The following GRIK4 variants were observed in gnomAD, a reference collection of about 807,000 sequenced individuals.
The protein encoded by GRIK4 is glutamate ionotropic receptor kainate type subunit 4.
A neutral mutation model predicts 104.9 loss-of-function variants in GRIK4; 40 were observed. The ratio of observed to expected loss-of-function variants is 0.38; its 90% CI spans 0.30 to 0.50. The LOEUF (loss-of-function observed/expected upper bound fraction) is 0.50. Ranked by LOEUF, GRIK4 falls within the 20% of genes least tolerant of loss-of-function variation. The pLI, the probability that GRIK4 is intolerant of heterozygous loss-of-function variation, is 0.93. For synonymous variants in GRIK4, 485 were observed against 524.9 expected, an observed-to-expected ratio of 0.92 and a Z score of 1.04; for missense variants, 1,047 against 1,308.1, an observed-to-expected ratio of 0.80 and a Z score of 3.08.
At chr11:120,809,855 C>T (rs1365083120) in intron 4 of GRIK4, among the ~76,000 whole-genome samples, 1 of 152,146 alleles carries the variant, frequency 6.6e-6, no homozygotes, top group Admixed American at 6.5e-5. Flanking sequence ...TGCTTGACGC[C>T]AAGAGTTCAA....
intron 1 of GRIK4, among the ~76,000 whole-genome samples, chr11:120,636,531 G>A (rs189521511): frequency 5.5e-4 from 83 of 152,218 alleles, no homozygotes; most frequent in African/African-American, 1.9e-3. Context: ...GATCAGTTCG[G>A]ATTCTTCCCT....
intron 1 of GRIK4, among the ~76,000 whole-genome samples, chr11:120,523,515 T>A (rs1947820566): frequency 6.6e-6 from 1 of 152,130 alleles, no homozygotes; most frequent in Non-Finnish European, 1.5e-5. Context: ...ATGCTGCTAC[T>A]TCTCTCGCTG....
In GRIK4 at chr11:120,956,394, G is replaced by A. The variant is rs1367840742; in HGVS notation, c.1701-386G>A. On this transcript the variant is annotated intron_variant, in intron 15 of 20. Coordinates refer to ENST00000527524, the MANE Select transcript of GRIK4 (RefSeq NM_014619.5). The surrounding 1 kb of genome is among the most constrained non-coding windows in gnomAD (Gnocchi z 4.6). ...TTTTTTTGTATTTTTTAGTAGAGAC[G>A]GGTTTTCGCTGTGTTGCCCAGGCTG... Among the ~76,000 whole-genome samples, 2 of 151,850 alleles carry A rather than the reference G, an allele frequency of 1.3e-5. No homozygotes were observed. Among genetic ancestry groups the A allele is most frequent in the African/African-American group, 4.8e-5 (2 of 41,314 alleles).
intron 13 of GRIK4, among the ~76,000 whole-genome samples, chr11:120,911,361 C>T (rs1942988903): frequency 6.7e-6 from 1 of 150,114 alleles, no homozygotes; most frequent in Admixed American, 6.6e-5. Flanking sequence ...GCCTCAGCCT[C>T]CCGTGTAGCT....
intron 1 of GRIK4, among the ~76,000 whole-genome samples, chr11:120,520,147 C>T (rs999995180): frequency 2.6e-5 from 4 of 152,130 alleles, no homozygotes; most frequent in African/African-American, 9.7e-5. Context: ...CCCGCCTCAG[C>T]CCCCCAAAGT....
chr11:120,672,093 G>A (rs188147518), intron 3 of GRIK4, among the ~76,000 whole-genome samples: 12 of 152,240 alleles, frequency 7.9e-5, no homozygotes, highest in African/African-American at 2.9e-4. Context: ...GCTTAGGATC[G>A]TCTTGGCTAT....
At chr11:120,537,784 G>A (rs577346158) in intron 1 of GRIK4, among the ~76,000 whole-genome samples, 89 of 152,240 alleles carry the variant, frequency 5.8e-4, no homozygotes, top group African/African-American at 2.1e-3. Flanking sequence ...AATGAATGAG[G>A]GGATCTGTTG....
Position 120,819,097 on chromosome 11 carries a change from A to G in GRIK4, c.346-658A>G, listed in dbSNP as rs934140722. 6.6e-6 allele frequency among the ~76,000 whole-genome samples: 1 copy of G among 152,220 alleles called. No homozygotes were observed. The highest frequency in any genetic ancestry group is 2.4e-5 in the African/African-American group (1 of 41,452). ...GCAGAGGGAAGCTGACACTGTCCTA[A>G]TGAAGCCAAACCACGTATTTATTTA... On this transcript the variant is annotated intron_variant, in intron 5 of 20. Coordinates refer to ENST00000527524, the MANE Select transcript of GRIK4 (RefSeq NM_014619.5). This position sits in a 1 kb window ranked among gnomAD's most constrained non-coding sequence, Gnocchi z 4.3.
chr11:120,956,887 G>C lies in GRIK4; in HGVS notation c.1808G>C (p.Gly603Ala), dbSNP rs1162479747. Residue 603 changes from glycine to alanine, a missense_variant, in exon 16 of 21, where the codon GGG becomes GCG. Around this residue, in one of 3 missense-constraint regions of GRIK4, gnomAD observed 440 missense variants for 652.3 expected, o/e 0.67. Coordinates refer to ENST00000527524, the MANE Select transcript of GRIK4 (RefSeq NM_014619.5). This position sits in a 1 kb window ranked among gnomAD's most constrained non-coding sequence, Gnocchi z 4.6. ...AACAGCCTCTGGTTTCCGGTCGGGGGGTTCATGCAGCAAGGCTCCACCATC... is the reference window on the plus strand; with the variant it reads ...AACAGCCTCTGGTTTCCGGTCGGGGCGTTCATGCAGCAAGGCTCCACCATC... ...LGNSLWFPVG[G>A]FMQQGSTIAP... 1 of 1,613,882 alleles carries C rather than the reference G, an allele frequency of 6.2e-7. No individual in the cohort carries two copies. Among genetic ancestry groups the C allele is most frequent in the East Asian group, 2.2e-5 (1 of 44,882 alleles).
At chr11:120,875,542 AC>A (rs1954760279) in intron 11 of GRIK4, among the ~76,000 whole-genome samples, 1 of 152,046 alleles carries the variant, frequency 6.6e-6, no homozygotes, top group Non-Finnish European at 1.5e-5. Context: ...CATGAGTCTG[AC>A]CCTAATCCTG....
At chr11:120,576,966 T>C (rs1044976595) in intron 1 of GRIK4, among the ~76,000 whole-genome samples, 4 of 152,224 alleles carry the variant, frequency 2.6e-5, no homozygotes, top group Non-Finnish European at 5.9e-5. Flanking sequence ...GCTTGCGCTT[T>C]CCTTCACTTT....
chr11:120,605,496 A>G (rs1239670305), intron 1 of GRIK4, among the ~76,000 whole-genome samples: 1 of 152,252 alleles, frequency 6.6e-6, no homozygotes, highest in Non-Finnish European at 1.5e-5. Context: ...TGTGACAGCC[A>G]TCAGCAAGTT....
intron 1 of GRIK4, among the ~76,000 whole-genome samples, chr11:120,574,630 G>A (rs1439693909): frequency 3.3e-5 from 5 of 152,184 alleles, no homozygotes; most frequent in African/African-American, 1.2e-4. Context: ...AAGGGCAGGG[G>A]CTACATCTGT....
intron 3 of GRIK4, among the ~76,000 whole-genome samples, chr11:120,741,082 C>T (rs1951321275): frequency 6.6e-6 from 1 of 152,062 alleles, no homozygotes; most frequent in Non-Finnish European, 1.5e-5. Context: ...CTGTCTCTCT[C>T]GTTCGTGTAA....
intron 1 of GRIK4, among the ~76,000 whole-genome samples, chr11:120,540,339 G>A (rs1023773239): frequency 6.6e-6 from 1 of 152,184 alleles, no homozygotes; most frequent in African/African-American, 2.4e-5. Context: ...CTTGGGGCTC[G>A]GCTGGGCGTG....
At chr11:120,512,251 A>G (rs1490859813) in intron 1 of GRIK4, among the ~76,000 whole-genome samples, 1 of 145,314 alleles carries the variant, frequency 6.9e-6, no homozygotes, top group Admixed American at 6.8e-5. Context: ...CTCCCCGTGC[A>G]ACTCCCAGCC....
At chr11:120,719,793 G>A (rs1347209513) in intron 3 of GRIK4, among the ~76,000 whole-genome samples, 2 of 152,114 alleles carry the variant, frequency 1.3e-5, no homozygotes, top group Non-Finnish European at 2.9e-5. Context: ...ACAATGACTA[G>A]CCTTATTCCA....
intron 3 of GRIK4, among the ~76,000 whole-genome samples, chr11:120,782,015 C>G (rs1952167761): frequency 6.6e-6 from 1 of 152,180 alleles, no homozygotes. Context: ...TGGCTTCTTC[C>G]TCCTGATTCA....
At position 120,953,933 on chromosome 11, in the gene GRIK4, T is replaced by C. The variant is rs1289790551; in HGVS notation, c.1700+969T>C. ...CTACTCAGGAGGAGCTTCTGGAATC[T>C]GTCCGTGGCTCTGGTTTGCAGGTGT... On this transcript the variant is annotated intron_variant, in intron 15 of 20. Coordinates refer to ENST00000527524, the MANE Select transcript of GRIK4 (RefSeq NM_014619.5). This position sits in a 1 kb window ranked among gnomAD's most constrained non-coding sequence, Gnocchi z 4.9. 2.0e-5 allele frequency among the ~76,000 whole-genome samples: 3 copies of C among 152,210 alleles called. No homozygotes were observed. Among genetic ancestry groups the C allele is most frequent in the Non-Finnish European group, 2.9e-5 (2 of 68,040 alleles).
Sources: allele counts gnomAD v4.1 joint callset (sites outside exome capture counted in the v4.1 genomes callset), GRCh38; gene constraint gnomAD v4.1.1; regional missense constraint gnomAD v4.1.1; non-coding constraint Gnocchi (gnomAD v3.1); transcripts MANE v1.5; gene names NCBI Gene and HGNC (gene_info 2026-07-23, HGNC 2026-07-21).